FARP1: variants seen among roughly 807,000 people sequenced by gnomAD.
FARP1 encodes FERM, ARH/RhoGEF and pleckstrin domain protein 1, also known as FERM, ARHGEF and pleckstrin domain-containing protein 1.
A neutral mutation model predicts 128.8 loss-of-function variants in FARP1; 52 were observed. That is an observed-to-expected ratio of 0.40 (90% CI 0.32 to 0.51). FARP1 has a LOEUF of 0.51. Among genes scored for constraint, FARP1 ranks in the 20% least tolerant of loss-of-function variants. The pLI, the probability that FARP1 is intolerant of heterozygous loss-of-function variation, is 0.45. For synonymous variants in FARP1, 580 were observed against 551.8 expected (o/e 1.05, Z -0.72); for missense variants, 1,333 against 1,367.9 (o/e 0.97, Z 0.40).
At chr13:98,206,582 G>T (rs1362817365) in intron 1 of FARP1, among the ~76,000 whole-genome samples, 1 of 152,096 alleles carries the variant, frequency 6.6e-6, no homozygotes, top group East Asian at 1.9e-4. Context: ...CTGGTTTGGG[G>T]CTACAGATGT....
intron 2 of FARP1, among the ~76,000 whole-genome samples, chr13:98,267,547 G>A (rs1202021512): frequency 6.6e-6 from 1 of 152,184 alleles, no homozygotes; most frequent in Non-Finnish European, 1.5e-5. Context: ...GATGAGGCCC[G>A]TGGATCCTTC....
intron 16 of FARP1, among the ~76,000 whole-genome samples, chr13:98,420,909 A>T (rs1437897703): frequency 6.6e-6 from 1 of 152,240 alleles, no homozygotes; most frequent in Non-Finnish European, 1.5e-5. Flanking sequence ...GGATGTTTCT[A>T]GATGGGCAGC....
chr13:98,438,682 G>A lies in FARP1; in HGVS notation c.2275-122G>A, dbSNP rs1594539169. 6.7e-6 allele frequency: 5 copies of A among 741,872 alleles called. No homozygotes were observed. In the East Asian group the frequency reaches 1.0e-4, roughly 15 times the overall value. The allele number at this position is 741,872 out of a possible 1,614,324, so 46.0% of individuals were successfully genotyped here. A position where few individuals can be genotyped will look rare whatever the true frequency, so the allele number is the denominator to read the frequency against. On this transcript the variant is annotated intron_variant, in intron 19 of 26. Coordinates refer to ENST00000319562, the MANE Select transcript of FARP1 (RefSeq NM_005766.4). ...TGCACGCTCGCAGTCCGTTCTTGGG[G>A]TCTGCACGCTCGCAGTCAGCCCTCA...
chr13:98,352,537 A>G (rs1888479493), intron 3 of FARP1, among the ~76,000 whole-genome samples: 1 of 152,234 alleles, frequency 6.6e-6, no homozygotes, highest in Non-Finnish European at 1.5e-5. Flanking sequence ...ATATCCTTCA[A>G]CACTGTACAG....
chr13:98,317,592 G>T (rs1224709760), intron 2 of FARP1, among the ~76,000 whole-genome samples: 4 of 152,164 alleles, frequency 2.6e-5, no homozygotes, highest in Non-Finnish European at 5.9e-5. Context: ...GTTATCCAAA[G>T]AAGGTAAAGA....
At chr13:98,395,603 G>A (rs908831311) in intron 13 of FARP1, 127 bp downstream of exon 13, 10 of 1,167,498 alleles carry the variant, frequency 8.6e-6, no homozygotes, top group Middle Eastern at 3.0e-4. Flanking sequence ...TCCCGGTCCC[G>A]GTCCCAAACA....
At chr13:98,190,884 C>T (rs144538485) in intron 1 of FARP1, among the ~76,000 whole-genome samples, 42 of 152,176 alleles carry the variant, frequency 2.8e-4, no homozygotes, top group African/African-American at 7.9e-4. Flanking sequence ...AGTGATCATT[C>T]CATGATTTTC....
rs150953166 is a variant in FARP1 at position 98,323,932 on chromosome 13, A to G, written c.172-19830A>G. On this transcript the variant is annotated intron_variant, in intron 2 of 26. Transcript: ENST00000319562. ...TAACTTCCGAGCAATTAAGTACTCA[A>G]GAACCAGAATTGAATTTAGTCATTT... Among the ~76,000 whole-genome samples, 31 of 152,336 alleles carry G rather than the reference A, an allele frequency of 2.0e-4. No homozygotes were observed. The East Asian group carries it at 5.8e-3, about 28-fold the overall frequency.
chr13:98,268,805 TG>T (rs1884257103), intron 2 of FARP1, among the ~76,000 whole-genome samples: 1 of 151,834 alleles, frequency 6.6e-6, no homozygotes, highest in Admixed American at 6.6e-5. Flanking sequence ...TGTGTGTGTG[TG>T]TGTGTGTGTG....
chr13:98,367,247 C>G (rs1253830270), intron 4 of FARP1, among the ~76,000 whole-genome samples: 7 of 152,156 alleles, frequency 4.6e-5, no homozygotes, highest in African/African-American at 1.7e-4. Flanking sequence ...ATCTCCACTT[C>G]CTGGGTTCAA....
chr13:98,285,450 G>A (rs1409786453), intron 2 of FARP1, among the ~76,000 whole-genome samples: 1 of 152,112 alleles, frequency 6.6e-6, no homozygotes, highest in African/African-American at 2.4e-5. Flanking sequence ...GAAGCTGCGT[G>A]GTTGCTTAGT....
chr13:98,438,337 G>A (rs1192199906), intron 19 of FARP1, among the ~76,000 whole-genome samples: 2 of 152,100 alleles, frequency 1.3e-5, no homozygotes, highest in Non-Finnish European at 2.9e-5. Context: ...GTCCCTTGCT[G>A]CCACTTTTTA....
chr13:98,443,739 C>T (rs553917282), intron 24 of FARP1, among the ~76,000 whole-genome samples: 36 of 152,202 alleles, frequency 2.4e-4, no homozygotes, highest in African/African-American at 7.9e-4. Flanking sequence ...GGCACTAGAG[C>T]CAGTGAAGGG....
At chr13:98,170,473 C>T (rs180991112) in intron 1 of FARP1, among the ~76,000 whole-genome samples, 161 of 152,326 alleles carry the variant, frequency 1.1e-3, no homozygotes, top group South Asian at 3.1e-3. Context: ...TCTCCTGCCT[C>T]GACCTCCTGA....
At chr13:98,239,188 T>C (rs571583185) in intron 2 of FARP1, among the ~76,000 whole-genome samples, 28 of 152,178 alleles carry the variant, frequency 1.8e-4, no homozygotes, top group Non-Finnish European at 3.7e-4. Flanking sequence ...ATACTTACCC[T>C]ATGGAGAAAG....
chr13:98,225,448 C>T (rs772522201), intron 2 of FARP1, among the ~76,000 whole-genome samples: 9 of 152,196 alleles, frequency 5.9e-5, no homozygotes, highest in Admixed American at 1.3e-4. Context: ...GGAGAACTCT[C>T]GCTCCAAGTA....
At chr13:98,387,910 CGT>C (rs1159898971) in intron 8 of FARP1, among the ~76,000 whole-genome samples, 2 of 152,192 alleles carry the variant, frequency 1.3e-5, no homozygotes, top group Non-Finnish European at 2.9e-5. Context: ...CCACATTAAA[CGT>C]GTCATTTGCA....
At chr13:98,343,308 T>C (rs544834374) in intron 2 of FARP1, among the ~76,000 whole-genome samples, 2 of 152,272 alleles carry the variant, frequency 1.3e-5, no homozygotes, top group South Asian at 2.1e-4. Context: ...ACATTTGTCA[T>C]AGAACTTTAC....
intron 2 of FARP1, among the ~76,000 whole-genome samples, chr13:98,254,016 C>T (rs1251782718): frequency 1.3e-5 from 2 of 152,104 alleles, no homozygotes; most frequent in Non-Finnish European, 2.9e-5. Context: ...TTGAAAATAC[C>T]ACTCTGTACT....
Sources: allele counts gnomAD v4.1 joint callset (sites outside exome capture counted in the v4.1 genomes callset), GRCh38; gene constraint gnomAD v4.1.1; transcripts MANE v1.5; gene names NCBI Gene and HGNC (gene_info 2026-07-23, HGNC 2026-07-21).